Variants in BRINP2 observed in about 807,000 individuals in gnomAD.
The protein encoded by BRINP2 is BMP/retinoic acid inducible neural specific 2.
A neutral mutation model predicts 69.2 loss-of-function variants in BRINP2; 21 were observed. That is an observed-to-expected ratio of 0.30 (90% CI 0.22 to 0.44). The LOEUF is 0.44. BRINP2 is among the 20% of genes least tolerant of loss of function. BRINP2 has a pLI of 1.00. For missense variants in BRINP2, 877 were observed against 986.0 expected, an observed-to-expected ratio of 0.89 and a Z score of 1.48; for synonymous variants, 380 against 394.1, an observed-to-expected ratio of 0.96 and a Z score of 0.42.
Position 177,281,458 on chromosome 1 carries a change from C to T in BRINP2, c.2282C>T (p.Ser761Phe). The change falls in exon 8 of 8, where the codon TCC becomes TTC. Residue 761 changes from serine to phenylalanine, a missense_variant. Around this residue, in one of 3 missense-constraint regions of BRINP2, gnomAD observed 225 missense variants for 218.7 expected, o/e 1.03. Coordinates refer to ENST00000361539, the MANE Select transcript of BRINP2 (RefSeq NM_021165.4). ...LANNEVGRIQ[S>F]SLRAFNSKLP... ...AACAATGAGGTGGGCAGGATCCAGT[C>T]CTCCCTGAGGGCTTTCAATTCTAAG... The T allele has an allele frequency of 6.2e-7, 1 of 1,613,752 alleles. No individual in the cohort carries two copies. Among genetic ancestry groups the T allele is most frequent in the Non-Finnish European group, 8.5e-7 (1 of 1,180,016 alleles).
At chr1:177,269,568 G>A (rs1009112662) in intron 4 of BRINP2, among the ~76,000 whole-genome samples, 1 of 152,210 alleles carries the variant, frequency 6.6e-6, no homozygotes, top group Non-Finnish European at 1.5e-5. Context: ...TGACTTGTCC[G>A]AATTCCTCAC....
intron 1 of BRINP2, among the ~76,000 whole-genome samples, chr1:177,214,008 G>A (rs1235273391): frequency 6.6e-6 from 1 of 152,094 alleles, no homozygotes; most frequent in Non-Finnish European, 1.5e-5. Flanking sequence ...ATTAAGTCAG[G>A]TTTCTTTAGA....
In BRINP2 at chr1:177,270,082, TG is replaced by T. The variant is rs71129599; in HGVS notation, c.670-3398del. ...GTTTTCCTCACTTTGGGGCAAGGGG[TG>T]GGGGGGGTGGTTCTCAAGCTATTCT... On this transcript the variant is annotated intron_variant, in intron 4 of 7. Transcript: ENST00000361539. 3.8e-3 allele frequency among the ~76,000 whole-genome samples: 494 copies of T among 130,184 alleles called. 12 individuals carry two copies. The highest frequency in any genetic ancestry group is 0.015 in the African/African-American group (475 of 31,696). The allele number at this position is 130,184 out of a possible 152,430, so 85.4% of individuals were successfully genotyped here.
intron 1 of BRINP2, among the ~76,000 whole-genome samples, chr1:177,205,144 T>G (rs903309049): frequency 1.3e-5 from 2 of 152,116 alleles, no homozygotes; most frequent in East Asian, 3.9e-4. Context: ...CTATACTTTT[T>G]TTGTTTGTGT....
chr1:177,256,919 T>C (rs183637945), intron 3 of BRINP2: 37 of 1,312,714 alleles, frequency 2.8e-5, no homozygotes, highest in East Asian at 3.6e-5. Flanking sequence ...CAGAGTTCAA[T>C]AGAAGATGTT....
intron 4 of BRINP2, among the ~76,000 whole-genome samples, chr1:177,262,631 C>T (rs1650994336): frequency 6.6e-6 from 1 of 152,118 alleles, no homozygotes; most frequent in South Asian, 2.1e-4. Context: ...TCCTTCCTAA[C>T]AGGCGGCAAT....
chr1:177,234,597 G>A (rs773051952), intron 2 of BRINP2, among the ~76,000 whole-genome samples: 6 of 152,022 alleles, frequency 3.9e-5, no homozygotes, highest in Admixed American at 6.6e-5. Flanking sequence ...CTTAAAACTC[G>A]GAAAGAATAC....
intron 4 of BRINP2, among the ~76,000 whole-genome samples, chr1:177,267,716 G>T (rs1271893936): frequency 5.3e-5 from 8 of 152,074 alleles, no homozygotes; most frequent in African/African-American, 1.4e-4. Context: ...CATAACTATG[G>T]CTTTCTGGAC....
At chr1:177,215,781 G>A (rs1365674985) in intron 1 of BRINP2, among the ~76,000 whole-genome samples, 1 of 152,046 alleles carries the variant, frequency 6.6e-6, no homozygotes, top group African/African-American at 2.4e-5. Context: ...AGAATTTAGA[G>A]GGAAGAGTTT....
chr1:177,244,310 T>C (rs1650305342), intron 2 of BRINP2, among the ~76,000 whole-genome samples: 1 of 152,242 alleles, frequency 6.6e-6, no homozygotes, highest in African/African-American at 2.4e-5. Flanking sequence ...CAGCATACAC[T>C]GCCTTCACGT....
intron 1 of BRINP2, among the ~76,000 whole-genome samples, chr1:177,208,316 G>A (rs1649122446): frequency 6.6e-6 from 1 of 152,208 alleles, no homozygotes; most frequent in African/African-American, 2.4e-5. Context: ...GGAAAGACAG[G>A]CAGGCACTGT....
chr1:177,257,978 T>A (rs1205889587), intron 4 of BRINP2, among the ~76,000 whole-genome samples: 1 of 151,820 alleles, frequency 6.6e-6, no homozygotes, highest in Non-Finnish European at 1.5e-5. Context: ...GGGAGGTGAA[T>A]AACAAAGAGA....
chr1:177,242,575 T>C (rs1650238896), intron 2 of BRINP2, among the ~76,000 whole-genome samples: 1 of 152,162 alleles, frequency 6.6e-6, no homozygotes, highest in African/African-American at 2.4e-5. Context: ...CCATATGAAG[T>C]CTTCTTTGAC....
intron 1 of BRINP2, among the ~76,000 whole-genome samples, chr1:177,195,805 T>C (rs542344947): frequency 2.6e-4 from 39 of 152,000 alleles, no homozygotes; most frequent in African/African-American, 8.4e-4. Flanking sequence ...GCCCAAGTCA[T>C]GGATGAATGG....
intron 1 of BRINP2, among the ~76,000 whole-genome samples, chr1:177,225,202 T>C (rs1649661490): frequency 6.6e-6 from 1 of 152,210 alleles, no homozygotes; most frequent in African/African-American, 2.4e-5. Context: ...ACTTCATCTA[T>C]ATATGATTTT....
At chr1:177,236,806 A>C (rs1028017686) in intron 2 of BRINP2, among the ~76,000 whole-genome samples, 1 of 151,716 alleles carries the variant, frequency 6.6e-6, no homozygotes, top group African/African-American at 2.4e-5. Context: ...CAAGAAGTGC[A>C]TGGTGATGCC....
At chr1:177,208,805 C>T (rs1275862231) in intron 1 of BRINP2, among the ~76,000 whole-genome samples, 1 of 152,200 alleles carries the variant, frequency 6.6e-6, no homozygotes, top group Non-Finnish European at 1.5e-5. Flanking sequence ...ACAAATAACA[C>T]AATTGGAGTT....
Position 177,280,603 on chromosome 1 carries a change from G to T in BRINP2, c.1427G>T (p.Arg476Leu), listed in dbSNP as rs143766904. 4 of 1,614,134 alleles carry T rather than the reference G, an allele frequency of 2.5e-6. No homozygotes were observed. Among genetic ancestry groups the T allele is most frequent in the Non-Finnish European group, 3.4e-6 (4 of 1,180,014 alleles). Residue 476 changes from arginine to leucine, a missense_variant, in exon 8 of 8, where the codon CGC becomes CTC. This residue lies in a region of BRINP2 where 566 missense variants were observed against 625.2 expected (regional missense o/e 0.91). Coordinates refer to ENST00000361539, the MANE Select transcript of BRINP2 (RefSeq NM_021165.4). The part of the protein sequence containing the change: ...CAHCAPDNST[R>L]CGSCNPGYVL... ...CACTGTGCTCCAGACAATAGCACAC[G>T]CTGTGGGAGCTGCAACCCGGGCTAT...
intron 5 of BRINP2, among the ~76,000 whole-genome samples, chr1:177,274,228 G>C (rs1453641744): frequency 6.6e-6 from 1 of 152,228 alleles, no homozygotes; most frequent in African/African-American, 2.4e-5. Flanking sequence ...AACCCTGGAG[G>C]CTGAGGGCTA....
Sources: gnomAD v4.1 joint callset for allele counts (sites outside exome capture counted in the v4.1 genomes callset) on GRCh38, gnomAD v4.1.1 for gene constraint, gnomAD v4.1.1 regional missense constraint, MANE v1.5 for transcripts, NCBI Gene and HGNC (gene_info 2026-07-23, HGNC 2026-07-21) for gene names.